MYSM1: variants seen among roughly 807,000 people sequenced by gnomAD.
The protein encoded by MYSM1 is deubiquitinase MYSM1.
Under a neutral mutation model 116.0 loss-of-function variants are expected in MYSM1, and 51 were observed. The ratio of observed to expected loss-of-function variants is 0.44; its 90% confidence interval spans 0.35 to 0.56. The LOEUF is 0.56. Among genes scored for constraint, MYSM1 ranks in the 20% least tolerant of loss-of-function variants. The pLI, the probability that MYSM1 is intolerant of heterozygous loss-of-function variation, is 0.00. For missense variants in MYSM1, 900 were observed against 974.9 expected, an observed-to-expected ratio of 0.92 and a Z score of 1.02; for synonymous variants, 313 against 315.2, an observed-to-expected ratio of 0.99 and a Z score of 0.07.
At chr1:58,689,504 C>G (rs1227937487) in intron 5 of MYSM1, 1 of 156,672 alleles carries the variant, frequency 6.4e-6, no homozygotes, top group Admixed American at 6.5e-5. Context: ...CAAATACTAT[C>G]TCTTTAGTTC....
In MYSM1 at chr1:58,661,242, A is replaced by G; in HGVS notation, c.2271-15T>C. The G allele has an allele frequency of 6.2e-7, 1 of 1,607,428 alleles. No individual in the cohort carries two copies. The highest frequency in any genetic ancestry group is 8.5e-7 in the Non-Finnish European group (1 of 1,174,268). ...TGGGGACGCTGCTGTAGGAAGAAAT[A>G]TGAAAACAAACTGGTGAAACGAATA... On this transcript the variant is annotated splice_polypyrimidine_tract_variant and intron_variant, in intron 18 of 19. Coordinates refer to ENST00000472487, the MANE Select transcript of MYSM1 (RefSeq NM_001085487.3).
chr1:58,692,582 C>G, intron 3 of MYSM1: 1 of 250,956 alleles, frequency 4.0e-6, no homozygotes, highest in South Asian at 1.3e-4. Flanking sequence ...TTCAAAATGA[C>G]TTAAATATTC....
chr1:58,655,176 G>T lies in MYSM1; in HGVS notation c.*4821C>A, dbSNP rs150819071. ...TATATGACTAATCTATTTAACTCAC[G>T]CTAGAATCTAAATACTATTTTATAA... On this transcript the variant is annotated 3_prime_UTR_variant, in exon 20 of 20. Transcript: ENST00000472487. 2 of 152,106 alleles carry T rather than the reference G, an allele frequency of 1.3e-5. No individual in the cohort carries two copies. The highest frequency in any genetic ancestry group is 4.8e-5 in the African/African-American group (2 of 41,518). The allele number at this position is 152,106 out of a possible 1,614,324, so 9.4% of individuals were successfully genotyped here. A position where few individuals can be genotyped will look rare whatever the true frequency, so the allele number is the denominator to read the frequency against.
chr1:58,693,255 C>T (rs1217306284), intron 2 of MYSM1, among the ~76,000 whole-genome samples: 2 of 152,234 alleles, frequency 1.3e-5, no homozygotes, highest in Non-Finnish European at 2.9e-5. Context: ...ATCAGACACT[C>T]TGTCAGACAC....
chr1:58,668,593 A>T, intron 14 of MYSM1, 39 bp downstream of exon 14: 6 of 1,566,410 alleles, frequency 3.8e-6, no homozygotes, highest in Non-Finnish European at 5.2e-6. Context: ...CAAGAGTAGA[A>T]ATCAGAATAA....
chr1:58,682,569 C>A (rs1644762335), intron 7 of MYSM1, 24 bp from the exon 8 acceptor site: 1 of 1,535,838 alleles, frequency 6.5e-7, no homozygotes, highest in African/African-American at 1.4e-5. Context: ...AAAATAAAAT[C>A]CCCATAATAT....
rs545247270 is a variant in MYSM1, at chr1:58,684,636, T to C, written c.498+517A>G. 3.9e-5 allele frequency among the ~76,000 whole-genome samples: 6 copies of C among 152,040 alleles called. No homozygotes were observed. In the East Asian group the frequency reaches 1.2e-3, roughly 29 times the overall value. ...CATGGTTGCATATAGCACAAATTAC[T>C]TGAAAGATTAAGAAACCAGATCACA... On this transcript the variant is annotated intron_variant, in intron 7 of 19. Transcript: ENST00000472487.
chr1:58,661,583 A>C, intron 17 of MYSM1, 72 bp from the exon 18 acceptor site: 1 of 852,044 alleles, frequency 1.2e-6, no homozygotes, highest in Non-Finnish European at 1.9e-6. Context: ...AATTATACTT[A>C]AAATTCCCTT....
rs750302428 is a variant in MYSM1, at chr1:58,667,874, T to C, written c.1815A>G (p.Arg605=). 2.5e-6 allele frequency: 4 copies of C among 1,612,020 alleles called. No homozygotes were observed. Among genetic ancestry groups the C allele is most frequent in the African/African-American group, 1.3e-5 (1 of 74,994 alleles). The change falls in exon 15 of 20, where the codon AGA becomes AGG. Residue 605 remains arginine, a synonymous_variant. Transcript: ENST00000472487. Reference sequence around the variant, plus strand: ...CAACTACTTTATCAACTTCTGAGTATCTTCCTCCTAACAGACCAATCACTT... The same window carrying C: ...CAACTACTTTATCAACTTCTGAGTACCTTCCTCCTAACAGACCAATCACTT... ...MAEVIGLLGG[R]YSEVDKVVEV...
At position 58,690,399 on chromosome 1, in the gene MYSM1, T is replaced by C; in HGVS notation, c.237A>G (p.Lys79=). ...CAAGCCAGACTTTTTCCGGTTGTGA[T>C]TTTTTAGATAAATAATATCTGTGTA... The part of the protein sequence containing the change: ...LLEEEYYLSK[K]SQPEKVWLDQ... The change falls in exon 4 of 20, where the codon AAA becomes AAG. Residue 79 remains lysine, a synonymous_variant. Coordinates refer to ENST00000472487, the MANE Select transcript of MYSM1 (RefSeq NM_001085487.3). 2 of 1,599,154 alleles carry C rather than the reference T, an allele frequency of 1.3e-6. No individual in the cohort carries two copies. Among genetic ancestry groups the C allele is most frequent in the Admixed American group, 1.7e-5 (1 of 58,512 alleles).
chr1:58,679,213 CTCTCT>C (rs754868227), intron 8 of MYSM1, among the ~76,000 whole-genome samples: 116 of 152,176 alleles, frequency 7.6e-4, no homozygotes, highest in Non-Finnish European at 1.4e-3. Context: ...TAACCACTCA[CTCTCT>C]TCTATTTCTG....
intron 1 of MYSM1, 25 bp downstream of exon 1, chr1:58,699,960 G>A (rs374927504): frequency 2.8e-4 from 445 of 1,613,150 alleles, no homozygotes; most frequent in Middle Eastern, 9.9e-4. Flanking sequence ...CTCCGCCCCA[G>A]AGAGACCCGG....
chr1:58,676,739 G>T, intron 9 of MYSM1, 187 bp downstream of exon 9: 1 of 421,710 alleles, frequency 2.4e-6, no homozygotes, highest in Non-Finnish European at 3.9e-6. Flanking sequence ...AATTTTCAGT[G>T]TAGGTCAAAT....
chr1:58,676,700 G>A, intron 9 of MYSM1: 1 of 303,956 alleles, frequency 3.3e-6, no homozygotes. Context: ...TACTTAGATT[G>A]AATATTTTAC....
chr1:58,692,324 T>A (rs1644916010), intron 3 of MYSM1: 1 of 152,216 alleles, frequency 6.6e-6, no homozygotes, highest in Non-Finnish European at 1.5e-5. Context: ...AAATCAGAAA[T>A]CATTTCATTC....
chr1:58,699,606 G>A (rs1645033334), intron 1 of MYSM1: 3 of 983,096 alleles, frequency 3.1e-6, no homozygotes, highest in South Asian at 4.7e-5. Flanking sequence ...GCAAGCCATA[G>A]AACAAGAGTC....
chr1:58,669,836 CAAAAAA>C (rs58828009), intron 12 of MYSM1, among the ~76,000 whole-genome samples: 834 of 14,580 alleles, frequency 0.057, 11 homozygotes, highest in East Asian at 0.13. Flanking sequence ...ACCCTGTCTC[CAAAAAA>C]AAAAAAAAAA....
At chr1:58,690,466 T>C in intron 3 of MYSM1, 49 bp from the exon 4 acceptor site, 1 of 1,279,916 alleles carries the variant, frequency 7.8e-7, no homozygotes, top group Non-Finnish European at 1.1e-6. Context: ...AGTCATGTAA[T>C]TTTTACATTA....
intron 17 of MYSM1, among the ~76,000 whole-genome samples, chr1:58,664,551 T>C (rs552337821): frequency 2.6e-5 from 4 of 152,316 alleles, no homozygotes; most frequent in South Asian, 4.1e-4. Context: ...GTGTTGCAGA[T>C]ACATAAAGAA....
Sources: gnomAD v4.1 joint callset for allele counts (sites outside exome capture counted in the v4.1 genomes callset) on GRCh38, gnomAD v4.1.1 for gene constraint, MANE v1.5 for transcripts, NCBI Gene and HGNC (gene_info 2026-07-23, HGNC 2026-07-21) for gene names.